ACP4: variants seen among roughly 807,000 people sequenced by gnomAD.
ACP4 encodes the protein testicular acid phosphatase.
ACP4 carries 49 observed loss-of-function variants against 47.3 expected under a neutral mutation model. The observed-to-expected ratio is 1.04, with a 90% CI of 0.82 to 1.32. The LOEUF (loss-of-function observed/expected upper bound fraction) is 1.32. Among genes scored for constraint, ACP4 ranks in the 40% most tolerant of loss-of-function variants. The probability of loss-of-function intolerance (pLI) is 0.00; values close to 1 mark genes in which losing one functional copy is unlikely to be tolerated. For missense variants in ACP4, 594 were observed against 579.3 expected, an observed-to-expected ratio of 1.03 and a Z score of -0.26; for synonymous variants, 299 against 265.3, an observed-to-expected ratio of 1.13 and a Z score of -1.23.
chr19:50,792,016 CTG>C (rs2089513164), intron 4 of ACP4, 55 bp from the exon 5 acceptor site: 1 of 1,514,854 alleles, frequency 6.6e-7, no homozygotes. Flanking sequence ...CCCCGACCCG[CTG>C]TGAGACCCAA....
At chr19:50,794,320 C>A in intron 8 of ACP4, 137 bp from the exon 9 acceptor site, 1 of 1,296,648 alleles carries the variant, frequency 7.7e-7, no homozygotes, top group Non-Finnish European at 1.1e-6. Flanking sequence ...TTGGTACTGC[C>A]TTCAGGATGG....
rs202062875 is a variant in ACP4 at position 50,792,270 on chromosome 19, C to T, written c.578C>T (p.Thr193Met). ...TGFLSRLENF[T>M]GLSLVGEPLR... is the part of the protein sequence containing the mutation. ...TTCCTGAGTCGCCTGGAGAACTTCA[C>T]GGGACTGTCGCTGGTTGGAGAGCCA... Residue 193 changes from threonine to methionine, a missense_variant, in exon 6 of 11, where the codon ACG (threonine) becomes ATG (methionine). Physicochemically the swap from Thr to Met is moderately conservative, Grantham distance 81. Transcript: ENST00000270593. 9 of 1,613,440 alleles carry T rather than the reference C, an allele frequency of 5.6e-6. No individual in the cohort carries two copies. Among genetic ancestry groups the T allele is most frequent in the South Asian group, 3.3e-5 (3 of 91,084 alleles).
Position 50,793,792 on chromosome 19 carries a change from G to A in ACP4, c.754G>A (p.Ala252Thr). The A allele has an allele frequency of 6.2e-7, 1 of 1,613,968 alleles. No homozygotes were observed. Among genetic ancestry groups the A allele is most frequent in the Non-Finnish European group, 8.5e-7 (1 of 1,180,040 alleles). ...IGAHVGPPRA[A>T]EKAQLTGGIL... ...AGCCCACGTGGGCCCACCCCGGGCA[G>A]CAGAGAAGGCCCAGCTGACAGGGGG... Residue 252 changes from alanine to threonine, a missense_variant, in exon 7 of 11, where the codon GCA becomes ACA. Physicochemically the swap from Ala to Thr is moderately conservative, Grantham distance 58 (BLOSUM62 0). Coordinates refer to ENST00000270593, the MANE Select transcript of ACP4 (RefSeq NM_033068.3).
chr19:50,793,001 C>T (rs1390555619), intron 6 of ACP4: 2 of 153,640 alleles, frequency 1.3e-5, no homozygotes, highest in Admixed American at 1.3e-4. Flanking sequence ...CTCACTCCAG[C>T]TCACGGGAAT....
At position 50,795,110 on chromosome 19, in the gene ACP4, G is replaced by A. The variant is rs369491643; in HGVS notation, c.1233G>A (p.Leu411=). 4 of 1,573,378 alleles carry A rather than the reference G, an allele frequency of 2.5e-6. No homozygotes were observed. Among genetic ancestry groups the A allele is most frequent in the African/African-American group, 1.4e-5 (1 of 73,818 alleles). The part of the protein sequence containing the change: ...VLVALSLGLG[L]LAWRPGCLRA... ...TGGCACTCAGCTTGGGGCTGGGCCT[G>A]CTGGCCTGGAGACCAGGGTGCCTGC... is the stretch of plus-strand genomic sequence containing the variant. The change falls in exon 11 of 11, where the codon CTG becomes CTA. Residue 411 remains leucine (L), a synonymous_variant. Coordinates refer to ENST00000270593, the MANE Select transcript of ACP4 (RefSeq NM_033068.3).
Position 50,793,819 on chromosome 19 carries a change from G to A in ACP4, c.778+3G>A, listed in dbSNP as rs1217688380. The A allele has an allele frequency of 1.2e-6, 2 of 1,613,924 alleles. No individual in the cohort carries two copies. The highest frequency in any genetic ancestry group is 1.3e-5 in the African/African-American group (1 of 74,946). ...AGAGAAGGCCCAGCTGACAGGGGGT[G>A]AGGTGTGGGTCTGGGAGGCTGGGGT... On this transcript the variant is annotated splice_donor_region_variant and intron_variant, in intron 7 of 10. Coordinates refer to ENST00000270593, the MANE Select transcript of ACP4 (RefSeq NM_033068.3).
In ACP4 at chr19:50,793,743, C is replaced by T. The variant is rs1301583606; in HGVS notation, c.705C>T (p.Ala235=). The change falls in exon 7 of 11, where the codon GCC becomes GCT. Residue 235 remains alanine (A), a synonymous_variant. Transcript: ENST00000270593. ...CCCCAGATGTCCTGCGGACTCTTGC[C>T]CAGATCTCGGCTTTGGATATTGGAG... ...WASPDVLRTL[A]QISALDIGAH... 2.5e-6 allele frequency: 4 copies of T among 1,613,688 alleles called. No individual in the cohort carries two copies. The highest frequency in any genetic ancestry group is 1.1e-5 in the South Asian group (1 of 91,088).
chr19:50,794,122 T>C, intron 8 of ACP4, 152 bp downstream of exon 8: 1 of 912,062 alleles, frequency 1.1e-6, no homozygotes, highest in Non-Finnish European at 1.7e-6. Flanking sequence ...GGCTCTACCA[T>C]TAGTCTGGAA....
In ACP4 at chr19:50,793,755, T is replaced by G. The variant is rs754987437; in HGVS notation, c.717T>G (p.Ala239=). 5.6e-6 allele frequency: 9 copies of G among 1,613,758 alleles called. No homozygotes were observed. The highest frequency in any genetic ancestry group is 6.8e-6 in the Non-Finnish European group (8 of 1,179,992). ...TGCGGACTCTTGCCCAGATCTCGGC[T>G]TTGGATATTGGAGCCCACGTGGGCC... ...DVLRTLAQIS[A]LDIGAHVGPP... Residue 239 remains alanine (A), a synonymous_variant, in exon 7 of 11, where the codon GCT becomes GCG. Transcript: ENST00000270593.
intron 3 of ACP4, 49 bp downstream of exon 3, chr19:50,790,909 C>A: frequency 2.0e-6 from 3 of 1,498,320 alleles, no homozygotes; most frequent in Non-Finnish European, 1.8e-6. Context: ...CCACCTGTGA[C>A]CTCCACTGAC....
In ACP4 at chr19:50,793,885, C is replaced by T. The variant is rs2089531874; in HGVS notation, c.779-3C>T. On this transcript the variant is annotated splice_region_variant and splice_polypyrimidine_tract_variant and intron_variant, in intron 7 of 10. Coordinates refer to ENST00000270593, the MANE Select transcript of ACP4 (RefSeq NM_033068.3). The stretch of plus-strand genomic sequence containing the variant: ...AGTCTAAGCTCTTTTTTCCCATCCT[C>T]AGGGATCCTGCTGAATGCTATCCTT... The T allele has an allele frequency of 1.2e-6, 2 of 1,614,038 alleles. No individual in the cohort carries two copies. Among genetic ancestry groups the T allele is most frequent in the African/African-American group, 2.7e-5 (2 of 74,936 alleles).
chr19:50,793,657 T>C (rs1394220213), intron 6 of ACP4, 27 bp from the exon 7 acceptor site: 1 of 1,608,760 alleles, frequency 6.2e-7, no homozygotes, highest in Non-Finnish European at 8.5e-7. Flanking sequence ...GGGCTCAGGA[T>C]GGTCCATCTG....
intron 3 of ACP4, 66 bp downstream of exon 3, chr19:50,790,926 GCT>G (rs2089499719): frequency 1.4e-6 from 2 of 1,440,264 alleles, no homozygotes; most frequent in Non-Finnish European, 1.9e-6. Context: ...TGACTACAAC[GCT>G]CTCTTTGGGC....
intron 6 of ACP4, chr19:50,792,586 A>T: frequency 6.7e-6 from 3 of 447,628 alleles, no homozygotes; most frequent in Non-Finnish European, 8.0e-6. Flanking sequence ...CCAGGGTTTG[A>T]GGCTACACAT....
intron 6 of ACP4, 52 bp from the exon 7 acceptor site, chr19:50,793,632 C>T: frequency 1.3e-6 from 2 of 1,597,086 alleles, no homozygotes; most frequent in Non-Finnish European, 1.7e-6. Flanking sequence ...CCTGCGGGGC[C>T]AGAGGCAAAC....
At chr19:50,791,632 T>C (rs767086626) in intron 3 of ACP4, 24 bp from the exon 4 acceptor site, 91 of 1,597,084 alleles carry the variant, frequency 5.7e-5, no homozygotes, top group Non-Finnish European at 7.6e-5. Flanking sequence ...ACCCCCCGCG[T>C]GCCCTCTCTC....
In ACP4 at chr19:50,790,700, T is replaced by C. The variant is rs1415816661; in HGVS notation, c.216+2T>C. 6.7e-7 allele frequency: 1 copy of C among 1,491,684 alleles called. No individual in the cohort carries two copies. Among genetic ancestry groups the C allele is most frequent in the South Asian group, 1.2e-5 (1 of 82,926 alleles). The allele number at this position is 1,491,684 out of a possible 1,614,324, so 92.4% of individuals were successfully genotyped here. On this transcript the variant is annotated splice_donor_variant, in intron 2 of 10. Coordinates refer to ENST00000270593, the MANE Select transcript of ACP4 (RefSeq NM_033068.3). LOFTEE classifies it high-confidence loss of function. ...CGAGGCCTGGGCCAGCTGACCACGG[T>C]GAGAAGCGGGTAGGCGGTGAGGGCA...
chr19:50,793,741 G>A lies in ACP4; in HGVS notation c.703G>A (p.Ala235Thr). 6.2e-7 allele frequency: 1 copy of A among 1,613,798 alleles called. No homozygotes were observed. Among genetic ancestry groups the A allele is most frequent in the Non-Finnish European group, 8.5e-7 (1 of 1,180,028 alleles). The change falls in exon 7 of 11, where the codon GCC becomes ACC. Residue 235 changes from alanine to threonine, a missense_variant. Physicochemically the swap from Ala to Thr is moderately conservative, Grantham distance 58. Coordinates refer to ENST00000270593, the MANE Select transcript of ACP4 (RefSeq NM_033068.3). ...CTCCCCAGATGTCCTGCGGACTCTTGCCCAGATCTCGGCTTTGGATATTGG... is the reference window on the plus strand; with the variant it reads ...CTCCCCAGATGTCCTGCGGACTCTTACCCAGATCTCGGCTTTGGATATTGG... ...WASPDVLRTL[A>T]QISALDIGAH...
In ACP4 at chr19:50,794,826, C is replaced by T; in HGVS notation, c.1027C>T (p.His343Tyr). 4.3e-6 allele frequency: 7 copies of T among 1,611,992 alleles called. No individual in the cohort carries two copies. The highest frequency in any genetic ancestry group is 5.1e-6 in the Non-Finnish European group (6 of 1,178,970). The change falls in exon 10 of 11, where the codon CAC (histidine) becomes TAC (tyrosine). Residue 343 changes from histidine to tyrosine, a missense_variant. His to Tyr is a moderately conservative substitution (Grantham distance 83). Transcript: ENST00000270593. ...VSLFYRNDSA[H>Y]LPLPLSLPGC... ...CCTCTTCTACCGCAATGACTCCGCC[C>T]ACCTGCCCCTGCCTCTCAGCCTCCC...
Sources: gnomAD v4.1 joint callset for allele counts on GRCh38, gnomAD v4.1.1 for gene constraint, MANE v1.5 for transcripts, NCBI Gene and HGNC (gene_info 2026-07-23, HGNC 2026-07-21) for gene names.